Variants in PAH observed in about 807,000 individuals in gnomAD.
The protein encoded by PAH is phenylalanine hydroxylase.
A neutral mutation model predicts 62.0 loss-of-function variants in PAH; 64 were observed. That is an observed-to-expected ratio of 1.03 (90% CI 0.84 to 1.27). The LOEUF (loss-of-function observed/expected upper bound fraction) is 1.27, where lower values mean the gene tolerates loss of function less well. Among genes scored for constraint, PAH ranks in the 50% most tolerant of loss-of-function variants. PAH has a pLI of 0.00. For synonymous variants in PAH, 195 were observed against 196.2 expected (o/e 0.99, Z 0.05); for missense variants, 579 against 542.8 (o/e 1.07, Z -0.66).
At chr12:102,945,540 C>T (rs974460716) in intron 1 of PAH, among the ~76,000 whole-genome samples, 3 of 152,174 alleles carry the variant, frequency 2.0e-5, no homozygotes, top group Non-Finnish European at 4.4e-5. Context: ...TCTTCCCTCC[C>T]CTTTCCACAA....
At chr12:102,850,337 C>A (rs1210111954) in intron 8 of PAH, among the ~76,000 whole-genome samples, 1 of 152,206 alleles carries the variant, frequency 6.6e-6, no homozygotes, top group Non-Finnish European at 1.5e-5. Flanking sequence ...CTGCATCTTA[C>A]AAGTACAGTT....
At chr12:102,855,911 AG>A (rs992291379) in intron 5 of PAH, among the ~76,000 whole-genome samples, 1 of 151,984 alleles carries the variant, frequency 6.6e-6, no homozygotes, top group African/African-American at 2.4e-5. Flanking sequence ...GCTCCTGGGA[AG>A]TTATAAAGGT....
At chr12:102,867,989 A>T (rs1177772438) in intron 4 of PAH, among the ~76,000 whole-genome samples, 8 of 87,586 alleles carry the variant, frequency 9.1e-5, no homozygotes, top group South Asian at 3.5e-4. Context: ...ATAGATGTAT[A>T]TTACATGTAT....
At chr12:102,890,388 G>A (rs539207823) in intron 3 of PAH, among the ~76,000 whole-genome samples, 32 of 152,196 alleles carry the variant, frequency 2.1e-4, no homozygotes, top group Admixed American at 8.5e-4. Flanking sequence ...ACTTTGCAAA[G>A]GAATGGTTGT....
chr12:102,864,895 G>T (rs1875885307), intron 5 of PAH, among the ~76,000 whole-genome samples: 1 of 151,608 alleles, frequency 6.6e-6, no homozygotes, highest in Non-Finnish European at 1.5e-5. Context: ...AGCACCGAAA[G>T]CTTAAATGAG....
chr12:102,868,005 TATATACATATATAC>T lies in PAH; in HGVS notation c.442-1356_442-1343del, dbSNP rs1565854548. ...TAGATGTATATTACATGTATATATG[TATATACATATATAC>T]ATATATACATGTATATACACCTATA... is the stretch of plus-strand genomic sequence containing the variant. On this transcript the variant is annotated intron_variant, in intron 4 of 12. Coordinates refer to ENST00000553106, the MANE Select transcript of PAH (RefSeq NM_000277.3). 3.2e-4 allele frequency among the ~76,000 whole-genome samples: 45 copies of T among 140,486 alleles called. 1 individual carries two copies. The highest frequency in any genetic ancestry group is 1.1e-3 in the African/African-American group (42 of 37,340). The allele number at this position is 140,486 out of a possible 152,430, so 92.2% of individuals were successfully genotyped here.
chr12:102,871,194 T>C (rs904990933), intron 4 of PAH, among the ~76,000 whole-genome samples: 17 of 152,196 alleles, frequency 1.1e-4, no homozygotes, highest in Non-Finnish European at 1.5e-4. Context: ...CTTCAAGGGC[T>C]TCTCATTGCT....
rs3062690 is a variant in PAH at position 102,866,083 on chromosome 12, G to GAAAAAA, written c.509+507_509+512dup. ...GGGAGGAACACAGAACCCCAGACAGGAAAAAAAAAAAACCATCCTAAAATT... is the reference window on the plus strand; with the variant it reads ...GGGAGGAACACAGAACCCCAGACAGGAAAAAAAAAAAAAAAAAACCATCCTAAAATT... On this transcript the variant is annotated intron_variant, in intron 5 of 12. Transcript: ENST00000553106. Among the ~76,000 whole-genome samples, 7 of 144,858 alleles carry GAAAAAA rather than the reference G, an allele frequency of 4.8e-5. No homozygotes were observed. The South Asian group carries it at 8.8e-4, about 18-fold the overall frequency.
chr12:102,927,206 G>C (rs994752488), intron 1 of PAH, among the ~76,000 whole-genome samples: 5 of 151,910 alleles, frequency 3.3e-5, no homozygotes, highest in African/African-American at 1.2e-4. Flanking sequence ...GCTAGGGGAG[G>C]CTGCCAAAAT....
At chr12:102,899,288 G>C (rs543507504) in intron 2 of PAH, among the ~76,000 whole-genome samples, 2 of 152,182 alleles carry the variant, frequency 1.3e-5, no homozygotes, top group Non-Finnish European at 2.9e-5. Context: ...GTTTTGGAAG[G>C]GAGGGGAGCA....
chr12:102,882,363 G>T (rs1258969932), intron 3 of PAH, among the ~76,000 whole-genome samples: 1 of 152,018 alleles, frequency 6.6e-6, no homozygotes, highest in East Asian at 1.9e-4. Context: ...TCTTATCTCT[G>T]CATTTACTAT....
rs973721486 is a variant in PAH, at chr12:102,875,960, G to A, written c.441+1502C>T. 7.3e-5 allele frequency among the ~76,000 whole-genome samples: 11 copies of A among 151,066 alleles called. 1 individual carries two copies. Among genetic ancestry groups the A allele is most frequent in the Non-Finnish European group, 1.0e-4 (7 of 67,830 alleles). On this transcript the variant is annotated intron_variant, in intron 4 of 12. Transcript: ENST00000553106. Reference sequence around the variant, plus strand: ...ATATACATATATATATAGACAGAGCGAGAAAGGAGGAAGGATGGAGGCACA... The same window carrying A: ...ATATACATATATATATAGACAGAGCAAGAAAGGAGGAAGGATGGAGGCACA...
exon 1 of PAH, chr12:102,950,723 G>C (rs982968213): frequency 6.6e-6 from 1 of 152,212 alleles, no homozygotes; most frequent in African/African-American, 2.4e-5. Flanking sequence ...GAGCATCCAA[G>C]GGCGCGCAAG....
At chr12:102,906,204 A>C (rs774348356) in intron 2 of PAH, among the ~76,000 whole-genome samples, 10 of 152,232 alleles carry the variant, frequency 6.6e-5, no homozygotes, top group Non-Finnish European at 1.5e-4. Flanking sequence ...TAAAGGCAAT[A>C]ATAAGCATAT....
At chr12:102,842,465 AAAGT>A (rs1227570336) in intron 11 of PAH, among the ~76,000 whole-genome samples, 1 of 151,944 alleles carries the variant, frequency 6.6e-6, no homozygotes, top group African/African-American at 2.4e-5. Flanking sequence ...TAAAAGAAAG[AAAGT>A]TAGTCCTCTT....
At chr12:102,875,347 C>T (rs1393818345) in intron 4 of PAH, among the ~76,000 whole-genome samples, 1 of 152,160 alleles carries the variant, frequency 6.6e-6, no homozygotes, top group African/African-American at 2.4e-5. Flanking sequence ...TGGAGTCTTC[C>T]ACTGTCCCAA....
chr12:102,933,759 A>T (rs186306908), intron 1 of PAH, among the ~76,000 whole-genome samples: 2 of 152,200 alleles, frequency 1.3e-5, no homozygotes, highest in East Asian at 3.9e-4. Flanking sequence ...CACAATGCTT[A>T]TTCAGATTTT....
chr12:102,940,486 A>C (rs2136761262), intron 1 of PAH, among the ~76,000 whole-genome samples: 1 of 152,326 alleles, frequency 6.6e-6, no homozygotes, highest in South Asian at 2.1e-4. Context: ...AAAGAACCAA[A>C]CTGATCTAAT....
intron 1 of PAH, among the ~76,000 whole-genome samples, chr12:102,938,425 C>T (rs1304897075): frequency 6.6e-6 from 1 of 152,206 alleles, no homozygotes; most frequent in Non-Finnish European, 1.5e-5. Context: ...ACCCCGACAC[C>T]ACCTGCTGTA....
Sources: allele counts gnomAD v4.1 joint callset (sites outside exome capture counted in the v4.1 genomes callset), GRCh38; gene constraint gnomAD v4.1.1; transcripts MANE v1.5; gene names NCBI Gene and HGNC (gene_info 2026-07-23, HGNC 2026-07-21).